The following FNBP1L variants were observed in gnomAD, a reference collection of about 807,000 sequenced individuals.
FNBP1L encodes the protein formin binding protein 1 like, also known as formin-binding protein 1-like.
A neutral mutation model predicts 91.2 loss-of-function variants in FNBP1L; 36 were observed. That is an observed-to-expected ratio of 0.39 (90% CI 0.30 to 0.52). The LOEUF (loss-of-function observed/expected upper bound fraction) is 0.52. Among genes scored for constraint, FNBP1L ranks in the 20% least tolerant of loss-of-function variants. The pLI is 0.66. For missense variants in FNBP1L, 571 were observed against 732.1 expected (o/e 0.78, Z 2.54); for synonymous variants, 242 against 237.0 (o/e 1.02, Z -0.19).
chr1:93,468,317 G>A (rs1270384724), intron 1 of FNBP1L, among the ~76,000 whole-genome samples: 5 of 151,690 alleles, frequency 3.3e-5, no homozygotes, highest in African/African-American at 1.2e-4. Context: ...ATATTCCCTT[G>A]TATGCATATA....
At chr1:93,499,621 A>C in intron 2 of FNBP1L, 38 bp downstream of exon 2, 1 of 1,161,976 alleles carries the variant, frequency 8.6e-7, no homozygotes, top group Non-Finnish European at 1.2e-6. Flanking sequence ...GAATGAAATT[A>C]CATGTTTAAA....
At chr1:93,518,728 A>G (rs543560845) in intron 2 of FNBP1L, among the ~76,000 whole-genome samples, 10 of 152,352 alleles carry the variant, frequency 6.6e-5, no homozygotes, top group South Asian at 4.1e-4. Context: ...TTCATATGCC[A>G]TAAGATTCAT....
intron 5 of FNBP1L, among the ~76,000 whole-genome samples, chr1:93,527,759 A>G (rs1168884466): frequency 6.6e-6 from 1 of 152,108 alleles, no homozygotes; most frequent in Admixed American, 6.6e-5. Flanking sequence ...ATATTTAAAG[A>G]AGACATCTAA....
intron 1 of FNBP1L, among the ~76,000 whole-genome samples, chr1:93,472,445 T>A (rs1321859221): frequency 6.6e-6 from 1 of 152,004 alleles, no homozygotes; most frequent in Non-Finnish European, 1.5e-5. Flanking sequence ...TTCTTTACCA[T>A]GAATATTATA....
rs536118325 is a variant in FNBP1L at position 93,551,250 on chromosome 1, A to G, written c.1810+145A>G. The G allele has an allele frequency of 4.2e-4, 584 of 1,377,806 alleles. 13 individuals are homozygous for G. The South Asian group carries it at 0.011, about 25-fold the overall frequency. The allele number at this position is 1,377,806 out of a possible 1,614,324, so 85.3% of individuals were successfully genotyped here. A position where few individuals can be genotyped will look rare whatever the true frequency, so the allele number is the denominator to read the frequency against. ...TCCAAGATTAATTGTTCACTATGTG[A>G]GCTGAGTGTAGGCTTGATCTTGTGA... is the stretch of plus-strand genomic sequence containing the variant. On this transcript the variant is annotated intron_variant, in intron 16 of 16. Coordinates refer to ENST00000271234, the MANE Select transcript of FNBP1L (RefSeq NM_001164473.3).
At chr1:93,511,420 C>A (rs1319418230) in intron 2 of FNBP1L, among the ~76,000 whole-genome samples, 8 of 152,110 alleles carry the variant, frequency 5.3e-5, no homozygotes, top group Non-Finnish European at 1.0e-4. Context: ...GATTTTGTCA[C>A]CACCAGGCCT....
intron 5 of FNBP1L, among the ~76,000 whole-genome samples, chr1:93,528,823 G>C (rs1334595304): frequency 6.6e-6 from 1 of 151,796 alleles, no homozygotes; most frequent in African/African-American, 2.4e-5. Flanking sequence ...TTAAAGAACT[G>C]GAAAAAACTG....
chr1:93,551,276 A>C, intron 16 of FNBP1L, 171 bp downstream of exon 16: 2 of 1,272,746 alleles, frequency 1.6e-6, no homozygotes, highest in Non-Finnish European at 2.0e-6. Flanking sequence ...GATCTTGTGA[A>C]TATTACCACA....
chr1:93,519,974 A>C (rs1411774319), intron 2 of FNBP1L, among the ~76,000 whole-genome samples: 1 of 152,134 alleles, frequency 6.6e-6, no homozygotes, highest in Non-Finnish European at 1.5e-5. Context: ...AGTGGCAACT[A>C]TGGGTTTCTT....
chr1:93,469,909 A>G (rs1038176777), intron 1 of FNBP1L, among the ~76,000 whole-genome samples: 2 of 152,142 alleles, frequency 1.3e-5, no homozygotes, highest in Non-Finnish European at 2.9e-5. Context: ...ACAGTGAGCT[A>G]TGATCATGTC....
intron 2 of FNBP1L, among the ~76,000 whole-genome samples, chr1:93,514,712 CA>C (rs1671011192): frequency 6.6e-6 from 1 of 151,660 alleles, no homozygotes; most frequent in Non-Finnish European, 1.5e-5. Flanking sequence ...ACTGGCTAGC[CA>C]TATGTAGAAA....
At chr1:93,511,193 G>A (rs1358563466) in intron 2 of FNBP1L, among the ~76,000 whole-genome samples, 3 of 152,132 alleles carry the variant, frequency 2.0e-5, no homozygotes, top group East Asian at 1.9e-4. Flanking sequence ...AAATGTTAAG[G>A]GCAGCCAGAG....
chr1:93,519,791 AG>A (rs1482310486), intron 2 of FNBP1L, among the ~76,000 whole-genome samples: 1 of 152,208 alleles, frequency 6.6e-6, no homozygotes, highest in African/African-American at 2.4e-5. Context: ...CTCTTTAAAA[AG>A]TATATGTAAA....
chr1:93,448,614 C>T (rs977524466), intron 1 of FNBP1L, among the ~76,000 whole-genome samples: 4 of 152,124 alleles, frequency 2.6e-5, no homozygotes, highest in Non-Finnish European at 2.9e-5. Flanking sequence ...CCTTCTCCCT[C>T]CTCCACCTTC....
At chr1:93,460,848 A>T (rs1219844880) in intron 1 of FNBP1L, among the ~76,000 whole-genome samples, 1 of 152,216 alleles carries the variant, frequency 6.6e-6, no homozygotes, top group Non-Finnish European at 1.5e-5. Flanking sequence ...AGTTAAAGAG[A>T]TCTATTGTAC....
intron 16 of FNBP1L, chr1:93,552,051 A>G: frequency 9.6e-7 from 1 of 1,037,984 alleles, no homozygotes; most frequent in Non-Finnish European, 1.2e-6. Context: ...GGGTTAGAGG[A>G]AGATATGTGT....
intron 5 of FNBP1L, among the ~76,000 whole-genome samples, chr1:93,526,745 A>G (rs1259938342): frequency 6.6e-6 from 1 of 152,180 alleles, no homozygotes; most frequent in South Asian, 2.1e-4. Flanking sequence ...TCTGTCTTGT[A>G]TAATGTTATA....
intron 7 of FNBP1L, among the ~76,000 whole-genome samples, chr1:93,531,637 A>G: frequency 6.6e-6 from 1 of 152,182 alleles, no homozygotes; most frequent in Non-Finnish European, 1.5e-5. Context: ...TGGAGTGGGG[A>G]CCAGAATTCT....
chr1:93,551,804 G>T lies in FNBP1L; in HGVS notation c.1811-605G>T. 4 of 985,290 alleles carry T rather than the reference G, an allele frequency of 4.1e-6. 1 individual carries two copies. In the South Asian group the frequency reaches 1.9e-4, roughly 46 times the overall value. 61.0% of individuals were successfully genotyped at this position (985,290 alleles called of 1,614,324 possible). On this transcript the variant is annotated intron_variant, in intron 16 of 16. Coordinates refer to ENST00000271234, the MANE Select transcript of FNBP1L (RefSeq NM_001164473.3). ...ACCTCAAAATATTTTGAGGTTAGCT[G>T]GTAATTTTCAATAATTTACAAGCTT...
Sources: allele counts gnomAD v4.1 joint callset (sites outside exome capture counted in the v4.1 genomes callset), GRCh38; gene constraint gnomAD v4.1.1; transcripts MANE v1.5; gene names NCBI Gene and HGNC (gene_info 2026-07-23, HGNC 2026-07-21).